DPP10: variants seen among roughly 807,000 people sequenced by gnomAD.
DPP10 encodes the protein dipeptidyl peptidase like 10.
A neutral mutation model predicts 120.9 loss-of-function variants in DPP10; 33 were observed. That is an observed-to-expected ratio of 0.27 (90% CI 0.21 to 0.37). The LOEUF (loss-of-function observed/expected upper bound fraction) is 0.37, where lower values mean the gene tolerates loss of function less well. Among genes scored for constraint, DPP10 ranks in the 10% least tolerant of loss-of-function variants. The probability of loss-of-function intolerance (pLI) is 1.00; values close to 1 mark genes in which losing one functional copy is unlikely to be tolerated. For synonymous variants in DPP10, 337 were observed against 326.1 expected (o/e 1.03, Z -0.36); for missense variants, 816 against 942.8 (o/e 0.87, Z 1.76).
At chr2:114,943,030 CT>C (rs1365992212) in intron 1 of DPP10, among the ~76,000 whole-genome samples, 3 of 152,060 alleles carry the variant, frequency 2.0e-5, no homozygotes, top group African/African-American at 7.2e-5. Context: ...GATATTTCTC[CT>C]AATGCTATCC....
chr2:114,927,095 C>T (rs1695690915), intron 1 of DPP10, among the ~76,000 whole-genome samples: 1 of 152,040 alleles, frequency 6.6e-6, no homozygotes. Flanking sequence ...ATGATCCACC[C>T]ACCTCAGCCT....
chr2:115,400,425 A>G (rs905584691), intron 3 of DPP10, among the ~76,000 whole-genome samples: 3 of 152,112 alleles, frequency 2.0e-5, no homozygotes, highest in African/African-American at 4.8e-5. Flanking sequence ...CATTCTCTCC[A>G]AAAAGCAAGT....
At chr2:114,997,326 G>GAAAA (rs11458569) in intron 1 of DPP10, among the ~76,000 whole-genome samples, 3 of 135,790 alleles carry the variant, frequency 2.2e-5, no homozygotes, top group South Asian at 2.4e-4. Context: ...CGTCTCTACT[G>GAAAA]AAAAAAAAAA....
chr2:115,483,861 A>C (rs2075600413), intron 3 of DPP10, among the ~76,000 whole-genome samples: 2 of 152,080 alleles, frequency 1.3e-5, no homozygotes, highest in Admixed American at 1.3e-4. Flanking sequence ...ATATCTTCTC[A>C]GCAGTGTCAG....
intron 3 of DPP10, among the ~76,000 whole-genome samples, chr2:115,437,924 T>C (rs915122064): frequency 2.6e-5 from 4 of 152,166 alleles, no homozygotes; most frequent in Non-Finnish European, 4.4e-5. Flanking sequence ...ATTCATTTTA[T>C]GTGCCACATA....
intron 1 of DPP10, among the ~76,000 whole-genome samples, chr2:114,448,720 G>C (rs905578921): frequency 6.6e-6 from 1 of 152,274 alleles, no homozygotes; most frequent in East Asian, 1.9e-4. Flanking sequence ...CACAGAAGAG[G>C]TCTAAACAGC....
Position 115,384,707 on chromosome 2 carries a change from A to AAAGAAGAAGAAGAAG in DPP10, c.271+40809_271+40823dup, listed in dbSNP as rs139572526. ...AGGAAGAAGAAGAAAAAGAAAGAAG[A>AAAGAAGAAGAAGAAG]AAGAAGAAGAAGAAGAAGAAGAAGA... On this transcript the variant is annotated intron_variant, in intron 3 of 25. Coordinates refer to ENST00000410059, the MANE Select transcript of DPP10 (RefSeq NM_020868.6). Among the ~76,000 whole-genome samples the AAAGAAGAAGAAGAAG allele has an allele frequency of 8.1e-3, 1,207 of 148,524 alleles. 19 individuals are homozygous for AAAGAAGAAGAAGAAG. Among genetic ancestry groups the AAAGAAGAAGAAGAAG allele is most frequent in the African/African-American group, 0.028 (1,122 of 39,524 alleles).
chr2:115,161,786 G>C lies in DPP10; in HGVS notation c.61-147453G>C, dbSNP rs1031311725. The C allele has an allele frequency of 9.6e-4, 577 of 601,492 alleles. 2 individuals are homozygous for C. The African/African-American group carries it at 0.011, about 11-fold the overall frequency. The allele number at this position is 601,492 out of a possible 1,614,324, so 37.3% of individuals were successfully genotyped here. ...CGAGGGAGGGACCCTACGACGGGGA[G>C]CCCGCCCGGTGCCGCTCTTCTTCCC... On this transcript the variant is annotated intron_variant, in intron 1 of 25. Transcript: ENST00000410059.
intron 5 of DPP10, among the ~76,000 whole-genome samples, chr2:115,640,309 A>C (rs966789783): frequency 2.1e-5 from 3 of 140,614 alleles, no homozygotes; most frequent in Non-Finnish European, 3.1e-5. Flanking sequence ...CACTCCCAAG[A>C]AAAATGAGAA....
At chr2:114,485,551 T>G (rs1681438255) in intron 1 of DPP10, among the ~76,000 whole-genome samples, 1 of 151,068 alleles carries the variant, frequency 6.6e-6, no homozygotes, top group Admixed American at 6.6e-5. Flanking sequence ...CACTCCATTT[T>G]GGTTTGCACT....
At chr2:115,490,324 G>A (rs2076035670) in intron 3 of DPP10, among the ~76,000 whole-genome samples, 1 of 152,148 alleles carries the variant, frequency 6.6e-6, no homozygotes, top group Non-Finnish European at 1.5e-5. Flanking sequence ...AATGCCAGAT[G>A]TTTGTAAAAC....
intron 1 of DPP10, among the ~76,000 whole-genome samples, chr2:115,024,233 G>A (rs1167509224): frequency 1.3e-5 from 2 of 152,094 alleles, no homozygotes; most frequent in East Asian, 1.9e-4. Context: ...CTTATAGACA[G>A]CATATAGTTG....
At chr2:114,445,456 A>G (rs1368215357) in intron 1 of DPP10, among the ~76,000 whole-genome samples, 2 of 151,964 alleles carry the variant, frequency 1.3e-5, no homozygotes, top group African/African-American at 4.8e-5. Context: ...AAAGAATGCA[A>G]TGGGAATGAA....
intron 1 of DPP10, among the ~76,000 whole-genome samples, chr2:114,918,513 C>A (rs970882): frequency 0.4 from 61,351 of 151,942 alleles, 13,809 homozygotes; most frequent in East Asian, 0.63. Context: ...CATTGCAGCA[C>A]CTTTCACAGT....
intron 5 of DPP10, among the ~76,000 whole-genome samples, chr2:115,589,700 A>C (rs1237258410): frequency 6.6e-6 from 1 of 152,234 alleles, no homozygotes; most frequent in East Asian, 1.9e-4. Flanking sequence ...TTATAAAGGT[A>C]ATTGTGCAAG....
intron 5 of DPP10, among the ~76,000 whole-genome samples, chr2:115,672,039 A>T (rs2089916878): frequency 6.6e-6 from 1 of 152,228 alleles, no homozygotes; most frequent in African/African-American, 2.4e-5. Context: ...ATTGTCTACC[A>T]TCATATACTC....
chr2:114,860,594 G>A (rs1175686639), intron 1 of DPP10, among the ~76,000 whole-genome samples: 1 of 151,828 alleles, frequency 6.6e-6, no homozygotes, highest in Admixed American at 6.6e-5. Flanking sequence ...TAACATCTTG[G>A]CCACCACTTT....
chr2:115,158,759 T>C (rs886402302), intron 1 of DPP10, among the ~76,000 whole-genome samples: 38 of 152,192 alleles, frequency 2.5e-4, no homozygotes, highest in African/African-American at 9.2e-4. Flanking sequence ...TCAAAGATAA[T>C]ACATGAAAAA....
intron 2 of DPP10, among the ~76,000 whole-genome samples, chr2:115,339,261 A>C (rs915278627): frequency 2.6e-5 from 4 of 152,216 alleles, no homozygotes; most frequent in Admixed American, 2.6e-4. Flanking sequence ...CCACAAGGGG[A>C]TATCACTACA....
Sources: gnomAD v4.1 joint callset for allele counts (sites outside exome capture counted in the v4.1 genomes callset) on GRCh38, gnomAD v4.1.1 for gene constraint, MANE v1.5 for transcripts, NCBI Gene and HGNC (gene_info 2026-07-23, HGNC 2026-07-21) for gene names.